The following CLEC2D variants were observed in gnomAD, a reference collection of about 807,000 sequenced individuals.
CLEC2D encodes the protein C-type lectin domain family 2 member D.
Under a neutral mutation model 20.0 loss-of-function variants are expected in CLEC2D, and 16 were observed. That is an observed-to-expected ratio of 0.80 (90% CI 0.54 to 1.22). The LOEUF (loss-of-function observed/expected upper bound fraction) is 1.22. Ranked by LOEUF, CLEC2D falls within the 50% of genes most tolerant of loss-of-function variation. The probability of loss-of-function intolerance (pLI) is 0.00; values close to 1 mark genes in which losing one functional copy is unlikely to be tolerated. For synonymous variants in CLEC2D, 77 were observed against 71.1 expected (o/e 1.08, Z -0.42); for missense variants, 207 against 221.5 (o/e 0.93, Z 0.42).
chr12:9,679,498 C>A (rs1211530440), intron 1 of CLEC2D, among the ~76,000 whole-genome samples: 1 of 152,044 alleles, frequency 6.6e-6, no homozygotes, highest in Admixed American at 6.5e-5. Flanking sequence ...ATATTTGTTT[C>A]CACTGTCTTC....
At chr12:9,687,801 C>T (rs1351058787) in intron 2 of CLEC2D, 101 bp from the exon 3 acceptor site, 1 of 636,284 alleles carries the variant, frequency 1.6e-6, no homozygotes, top group Non-Finnish European at 2.4e-6. Context: ...ACATTTAATA[C>T]TTAACAGGAG....
chr12:9,695,571 G>A lies in CLEC2D; in HGVS notation c.*697G>A, dbSNP rs1342185576. On this transcript the variant is annotated 3_prime_UTR_variant, in exon 5 of 5. Transcript: ENST00000290855. ...ATGAACTGCACATTGTTGAAGCAGAGGCCATGAATGACGAAGGCAGTCCAA... is the reference window on the plus strand; with the variant it reads ...ATGAACTGCACATTGTTGAAGCAGAAGCCATGAATGACGAAGGCAGTCCAA... 83 of 1,440,998 alleles carry A rather than the reference G, an allele frequency of 5.8e-5. No homozygotes were observed. The highest frequency in any genetic ancestry group is 1.5e-5 in the Non-Finnish European group (16 of 1,038,110). The allele number at this position is 1,440,998 out of a possible 1,614,324, so 89.3% of individuals were successfully genotyped here. A position where few individuals can be genotyped will look rare whatever the true frequency, so the allele number is the denominator to read the frequency against.
chr12:9,674,959 T>G (rs1047722504), intron 1 of CLEC2D, among the ~76,000 whole-genome samples: 1 of 152,188 alleles, frequency 6.6e-6, no homozygotes, highest in African/African-American at 2.4e-5. Context: ...CCTTTAGGAC[T>G]ATGATACATT....
chr12:9,690,893 T>C (rs1865846912), intron 3 of CLEC2D, among the ~76,000 whole-genome samples: 1 of 151,986 alleles, frequency 6.6e-6, no homozygotes, highest in Non-Finnish European at 1.5e-5. Context: ...CAAAAGTAAA[T>C]CTTGTTTTAG....
chr12:9,685,447 T>C (rs1317602845), intron 2 of CLEC2D, among the ~76,000 whole-genome samples: 1 of 152,236 alleles, frequency 6.6e-6, no homozygotes. Flanking sequence ...ACAGCCACCC[T>C]TTCCCCCAGG....
At chr12:9,679,643 A>C (rs9630263) in intron 1 of CLEC2D, among the ~76,000 whole-genome samples, 2,083 of 152,284 alleles carry the variant, frequency 0.014, 49 homozygotes, top group African/African-American at 0.048. Flanking sequence ...GCATATGTGA[A>C]CTCTATATTT....
intron 3 of CLEC2D, 147 bp downstream of exon 3, chr12:9,688,233 C>T: frequency 2.4e-6 from 3 of 1,268,356 alleles, no homozygotes; most frequent in Non-Finnish European, 3.0e-6. Context: ...AAAGAGTAAC[C>T]TAGCATGTAT....
At position 9,696,549 on chromosome 12, in the gene CLEC2D, A is replaced by G. The variant is rs1398221684; in HGVS notation, c.*1675A>G. The G allele has an allele frequency of 1.4e-3, 2 of 1,442 alleles. No individual in the cohort carries two copies. Among genetic ancestry groups the G allele is most frequent in the Non-Finnish European group, 5.6e-3 (2 of 356 alleles). The allele number at this position is 1,442 out of a possible 1,614,324, so 0.1% of individuals were successfully genotyped here. On this transcript the variant is annotated 3_prime_UTR_variant, in exon 5 of 5. Transcript: ENST00000290855. ...ATAAAACTCAGTATTTTAATAAAGT[A>G]AAAAAAAAAAAAAAGGTATGGGGAA...
intron 2 of CLEC2D, 52 bp from the exon 3 acceptor site, chr12:9,687,849 TA>T (rs1336900010): frequency 9.0e-7 from 1 of 1,116,660 alleles, no homozygotes; most frequent in African/African-American, 1.6e-5. Flanking sequence ...ATTTATACAA[TA>T]CAATATAAAA....
At position 9,695,222 on chromosome 12, in the gene CLEC2D, A is replaced by T; in HGVS notation, c.*348A>T. On this transcript the variant is annotated 3_prime_UTR_variant, in exon 5 of 5. Coordinates refer to ENST00000290855, the MANE Select transcript of CLEC2D (RefSeq NM_013269.6). Reference sequence around the variant, plus strand: ...GTCTTATGTGGTGGCAGGCAGGGGGACTTGTGCACAGGAACTCCTATTTAT... The same window carrying T: ...GTCTTATGTGGTGGCAGGCAGGGGGTCTTGTGCACAGGAACTCCTATTTAT... 1.6e-6 allele frequency: 1 copy of T among 608,884 alleles called. No homozygotes were observed. Among genetic ancestry groups the T allele is most frequent in the African/African-American group, 1.9e-5 (1 of 54,018 alleles). The allele number at this position is 608,884 out of a possible 1,614,324, so 37.7% of individuals were successfully genotyped here. A position where few individuals can be genotyped will look rare whatever the true frequency, so the allele number is the denominator to read the frequency against.
Position 9,696,010 on chromosome 12 carries a change from T to A in CLEC2D, c.*1136T>A. 6.7e-7 allele frequency: 1 copy of A among 1,487,800 alleles called. No homozygotes were observed. 92.2% of individuals were successfully genotyped at this position (1,487,800 alleles called of 1,614,324 possible). On this transcript the variant is annotated 3_prime_UTR_variant, in exon 5 of 5. Transcript: ENST00000290855. The stretch of plus-strand genomic sequence containing the variant: ...CTCAAAACCATCATCAACACCAAGA[T>A]CAAAAGGACAAGAATCCTTCAAAAA...
chr12:9,693,787 AT>A (rs1368828584), intron 4 of CLEC2D: 1 of 443,446 alleles, frequency 2.3e-6, no homozygotes, highest in South Asian at 1.6e-5. Flanking sequence ...TCTCTACCTA[AT>A]TCTTAAAATG....
At chr12:9,687,324 A>G (rs780690037) in intron 2 of CLEC2D, among the ~76,000 whole-genome samples, 8 of 152,188 alleles carry the variant, frequency 5.3e-5, no homozygotes, top group African/African-American at 1.2e-4. Context: ...GAAGTTCCCA[A>G]TAGGGTTTGC....
Position 9,697,938 on chromosome 12 carries a change from TGTAA to T in CLEC2D, c.*3068_*3071del, listed in dbSNP as rs1277174819. 11 of 152,132 alleles carry T rather than the reference TGTAA, an allele frequency of 7.2e-5. No individual in the cohort carries two copies. The highest frequency in any genetic ancestry group is 1.4e-4 in the African/African-American group (6 of 41,428). 9.4% of individuals were successfully genotyped at this position (152,132 alleles called of 1,614,324 possible). The stretch of plus-strand genomic sequence containing the variant: ...TTCTTACCACACAGACAAAAAGAAA[TGTAA>T]GTATGTGAGATGAAGCTTATGTTAA... On this transcript the variant is annotated 3_prime_UTR_variant, in exon 5 of 5. Transcript: ENST00000290855.
At chr12:9,678,425 G>T (rs1865568426) in intron 1 of CLEC2D, among the ~76,000 whole-genome samples, 1 of 151,632 alleles carries the variant, frequency 6.6e-6, no homozygotes, top group African/African-American at 2.4e-5. Context: ...ATTTTTAATT[G>T]GTGCATTTAG....
Position 9,686,091 on chromosome 12 carries a change from G to A in CLEC2D, c.173-1811G>A, listed in dbSNP as rs776674257. On this transcript the variant is annotated intron_variant, in intron 2 of 4. Coordinates refer to ENST00000290855, the MANE Select transcript of CLEC2D (RefSeq NM_013269.6). Reference sequence around the variant, plus strand: ...GCACAGTCCCTCACAACTTCCCTTGGCTAGGGGAGGGAGTTCTCCCACCCC... The same window carrying A: ...GCACAGTCCCTCACAACTTCCCTTGACTAGGGGAGGGAGTTCTCCCACCCC... Among the ~76,000 whole-genome samples the A allele has an allele frequency of 5.9e-5, 9 of 151,944 alleles. No individual in the cohort carries two copies. In the South Asian group the frequency reaches 1.0e-3, roughly 18 times the overall value.
intron 1 of CLEC2D, among the ~76,000 whole-genome samples, chr12:9,677,222 AT>A (rs889876909): frequency 6.6e-6 from 1 of 151,658 alleles, no homozygotes; most frequent in Non-Finnish European, 1.5e-5. Flanking sequence ...TTAGATCTTT[AT>A]TTTTTTCTAA....
In CLEC2D at chr12:9,695,878, G is replaced by A; in HGVS notation, c.*1004G>A. The A allele has an allele frequency of 9.5e-6, 10 of 1,057,064 alleles. No individual in the cohort carries two copies. In the Middle Eastern group the frequency reaches 2.0e-3, roughly 216 times the overall value. 65.5% of individuals were successfully genotyped at this position (1,057,064 alleles called of 1,614,324 possible). A position where few individuals can be genotyped will look rare whatever the true frequency, so the allele number is the denominator to read the frequency against. On this transcript the variant is annotated 3_prime_UTR_variant, in exon 5 of 5. Transcript: ENST00000290855. Reference sequence around the variant, plus strand: ...TGCTGATGATGATGATGATGAAGATGATGATGATGATGATGACGAGGAAGC... The same window carrying A: ...TGCTGATGATGATGATGATGAAGATAATGATGATGATGATGACGAGGAAGC...
chr12:9,682,121 C>T (rs1177882260), intron 2 of CLEC2D, among the ~76,000 whole-genome samples: 1 of 152,118 alleles, frequency 6.6e-6, no homozygotes, highest in Admixed American at 6.5e-5. Flanking sequence ...TTTCAGCTAG[C>T]ACTTTGGAAA....
Sources: gnomAD v4.1 joint callset for allele counts (sites outside exome capture counted in the v4.1 genomes callset) on GRCh38, gnomAD v4.1.1 for gene constraint, MANE v1.5 for transcripts, NCBI Gene and HGNC (gene_info 2026-07-23, HGNC 2026-07-21) for gene names.